Variants in SLC22A23 observed in about 807,000 individuals in gnomAD.
SLC22A23 encodes the protein ion transporter protein.
A neutral mutation model predicts 61.0 loss-of-function variants in SLC22A23; 26 were observed. The observed-to-expected ratio is 0.43, with a 90% CI of 0.31 to 0.59. SLC22A23 has a LOEUF of 0.59. Ranked by LOEUF, SLC22A23 falls within the 20% of genes least tolerant of loss-of-function variation. The pLI, the probability that SLC22A23 is intolerant of heterozygous loss-of-function variation, is 0.11. For missense variants in SLC22A23, 796 were observed against 934.7 expected, an observed-to-expected ratio of 0.85 and a Z score of 1.94; for synonymous variants, 430 against 413.9, an observed-to-expected ratio of 1.04 and a Z score of -0.47.
chr6:3,317,085 T>G lies in SLC22A23; in HGVS notation c.1082+6749A>C, dbSNP rs959160169. ...CAAGCCACTTGAGATAAACACCACA[T>G]GGCAGCCTCTCCAACAGCCTTCTCC... On this transcript the variant is annotated intron_variant, in intron 4 of 9. Coordinates refer to ENST00000406686, the MANE Select transcript of SLC22A23 (RefSeq NM_015482.2). The surrounding 1 kb of genome is among the most constrained non-coding windows in gnomAD (Gnocchi z 4.4). 6.6e-6 allele frequency among the ~76,000 whole-genome samples: 1 copy of G among 152,220 alleles called. No homozygotes were observed. The highest frequency in any genetic ancestry group is 1.5e-5 in the Non-Finnish European group (1 of 68,034).
intron 1 of SLC22A23, among the ~76,000 whole-genome samples, chr6:3,452,655 T>C (rs1195909474): frequency 7.0e-6 from 1 of 143,720 alleles, no homozygotes. Flanking sequence ...AGACTGACCT[T>C]GGGTTATTAT....
chr6:3,292,560 A>C (rs921136478), intron 5 of SLC22A23, among the ~76,000 whole-genome samples: 1 of 152,064 alleles, frequency 6.6e-6, no homozygotes, highest in African/African-American at 2.4e-5. Context: ...TTCCAACCAA[A>C]ACCCACGTCG....
intron 3 of SLC22A23, among the ~76,000 whole-genome samples, chr6:3,371,275 T>C (rs1369017558): frequency 6.6e-6 from 1 of 152,258 alleles, no homozygotes; most frequent in Non-Finnish European, 1.5e-5. Context: ...ATATTTTAGG[T>C]GCTGCAGGCC....
At chr6:3,428,310 T>G (rs758261522) in intron 1 of SLC22A23, among the ~76,000 whole-genome samples, 1 of 152,174 alleles carries the variant, frequency 6.6e-6, no homozygotes, top group Non-Finnish European at 1.5e-5. Context: ...GTTTTAATAT[T>G]GGTGACAGGC....
At chr6:3,449,093 C>T (rs11963011) in intron 1 of SLC22A23, among the ~76,000 whole-genome samples, 16,704 of 152,248 alleles carry the variant, frequency 0.11, 1,407 homozygotes, top group African/African-American at 0.24. Flanking sequence ...TTGTTACAAG[C>T]AAGTCAACGT....
chr6:3,282,393 C>A (rs1206203709), intron 9 of SLC22A23: 1 of 689,654 alleles, frequency 1.5e-6, no homozygotes. Context: ...TGTCCAGGTG[C>A]CCAGTAGCTG....
chr6:3,351,665 T>C (rs1764778062), intron 3 of SLC22A23, among the ~76,000 whole-genome samples: 1 of 145,428 alleles, frequency 6.9e-6, no homozygotes, highest in Non-Finnish European at 1.5e-5. Flanking sequence ...AACACGTCAC[T>C]GGCCACTTCA....
chr6:3,378,359 C>T (rs779789547), intron 3 of SLC22A23, among the ~76,000 whole-genome samples: 19 of 152,182 alleles, frequency 1.2e-4, no homozygotes, highest in Admixed American at 5.9e-4. Context: ...CTGCAGACCT[C>T]GGCCCGTGAT....
chr6:3,451,565 G>A (rs1480917377), intron 1 of SLC22A23, among the ~76,000 whole-genome samples: 1 of 152,128 alleles, frequency 6.6e-6, no homozygotes, highest in Admixed American at 6.6e-5. Context: ...GTTTTGTTTT[G>A]TTTTAACTTT....
At chr6:3,323,729 T>A (rs1169414575) in intron 4 of SLC22A23, 105 bp downstream of exon 4, 1 of 1,299,362 alleles carries the variant, frequency 7.7e-7, no homozygotes, top group African/African-American at 1.5e-5. Context: ...AACCACAAGC[T>A]GCAACTAGTG....
At chr6:3,362,666 A>G (rs1765555454) in intron 3 of SLC22A23, among the ~76,000 whole-genome samples, 1 of 152,080 alleles carries the variant, frequency 6.6e-6, no homozygotes, top group Non-Finnish European at 1.5e-5. Context: ...CCAAGATGCC[A>G]TCTACAAATC....
chr6:3,335,288 G>C (rs1028151176), intron 3 of SLC22A23, among the ~76,000 whole-genome samples: 1 of 152,184 alleles, frequency 6.6e-6, no homozygotes, highest in African/African-American at 2.4e-5. Flanking sequence ...AGGCTCCGAG[G>C]CCTTCTAACA....
At position 3,274,136 on chromosome 6, in the gene SLC22A23, C is replaced by T. The variant is rs546607563; in HGVS notation, c.1704-724G>A. Among the ~76,000 whole-genome samples the T allele has an allele frequency of 4.1e-3, 632 of 152,320 alleles. 2 individuals are homozygous for T. The highest frequency in any genetic ancestry group is 6.5e-3 in the Non-Finnish European group (442 of 68,008). On this transcript the variant is annotated intron_variant, in intron 9 of 9. Coordinates refer to ENST00000406686, the MANE Select transcript of SLC22A23 (RefSeq NM_015482.2). The stretch of plus-strand genomic sequence containing the variant: ...ATTGATTTCCACTCCCTGCCTTGTA[C>T]GGGAGCAGCCAAGAGTCCCAGGGAT...
Position 3,427,148 on chromosome 6 carries a change from G to T in SLC22A23, c.655-11293C>A, listed in dbSNP as rs9503586. 3.0e-4 allele frequency among the ~76,000 whole-genome samples: 46 copies of T among 152,078 alleles called. 1 individual carries two copies. The highest frequency in any genetic ancestry group is 7.8e-4 in the Admixed American group (12 of 15,288). On this transcript the variant is annotated intron_variant, in intron 1 of 9. Coordinates refer to ENST00000406686, the MANE Select transcript of SLC22A23 (RefSeq NM_015482.2). This position sits in a 1 kb window ranked among gnomAD's most constrained non-coding sequence, Gnocchi z 4.3. ...ATCAGGGCAAGCTTTTTCACCGTGT[G>T]GGGGCTCAGTTTTAACATCTATGAC...
At chr6:3,320,199 G>A (rs973982968) in intron 4 of SLC22A23, among the ~76,000 whole-genome samples, 2 of 152,128 alleles carry the variant, frequency 1.3e-5, no homozygotes, top group African/African-American at 2.4e-5. Context: ...TTTGACACCT[G>A]GGAACTTCCC....
rs150275314 is a variant in SLC22A23, at chr6:3,421,012, A to T, written c.655-5157T>A. On this transcript the variant is annotated intron_variant, in intron 1 of 9. Coordinates refer to ENST00000406686, the MANE Select transcript of SLC22A23 (RefSeq NM_015482.2). ...GCTACTCAGGAGCCTACGGCATGAG[A>T]ATTGCTTGAACCTGGAAGACAGAAG... Among the ~76,000 whole-genome samples, 165 of 152,234 alleles carry T rather than the reference A, an allele frequency of 1.1e-3. 1 individual carries two copies. Among genetic ancestry groups the T allele is most frequent in the African/African-American group, 3.8e-3 (159 of 41,528 alleles).
intron 3 of SLC22A23, among the ~76,000 whole-genome samples, chr6:3,335,939 A>C (rs1181131611): frequency 6.6e-6 from 1 of 152,096 alleles, no homozygotes; most frequent in Admixed American, 6.5e-5. Flanking sequence ...AATACAAAAA[A>C]TTAGCCGGGC....
At chr6:3,379,099 G>C (rs571074445) in intron 3 of SLC22A23, among the ~76,000 whole-genome samples, 3 of 152,206 alleles carry the variant, frequency 2.0e-5, no homozygotes, top group Non-Finnish European at 4.4e-5. Context: ...TTTCTCCACA[G>C]TGTAATTCTG....
At chr6:3,364,676 C>T (rs1020380993) in intron 3 of SLC22A23, among the ~76,000 whole-genome samples, 2 of 152,138 alleles carry the variant, frequency 1.3e-5, no homozygotes, top group African/African-American at 2.4e-5. Context: ...GGGAGCAGTT[C>T]GCTCCCAGCT....
Sources: gnomAD v4.1 joint callset for allele counts (sites outside exome capture counted in the v4.1 genomes callset) on GRCh38, gnomAD v4.1.1 for gene constraint, Gnocchi (gnomAD v3.1) non-coding constraint, MANE v1.5 for transcripts, NCBI Gene and HGNC (gene_info 2026-07-23, HGNC 2026-07-21) for gene names.